Variants in PDCD6 observed in about 807,000 individuals in gnomAD.
PDCD6 encodes the protein programmed cell death protein 6.
Under a neutral mutation model 28.3 loss-of-function variants are expected in PDCD6, and 12 were observed. That is an observed-to-expected ratio of 0.42 (90% confidence interval 0.27 to 0.69). The LOEUF is 0.69. Among genes scored for constraint, PDCD6 ranks in the 30% least tolerant of loss-of-function variants. The probability of loss-of-function intolerance (pLI) is 0.22; values close to 1 mark genes in which losing one functional copy is unlikely to be tolerated. For missense variants in PDCD6, 226 were observed against 269.9 expected (o/e 0.84, Z 1.14); for synonymous variants, 92 against 108.0 (o/e 0.85, Z 0.92).
intron 2 of PDCD6, among the ~76,000 whole-genome samples, chr5:300,957 C>T (rs1050157916): frequency 1.4e-4 from 22 of 152,218 alleles, no homozygotes; most frequent in Non-Finnish European, 2.5e-4. Context: ...CATGCGTGCC[C>T]GTCCAGATGG....
Position 314,451 on chromosome 5 carries a change from A to G in PDCD6, c.512A>G (p.Asp171Gly). The G allele has an allele frequency of 6.2e-7, 1 of 1,613,844 alleles. No individual in the cohort carries two copies. Among genetic ancestry groups the G allele is most frequent in the Non-Finnish European group, 8.5e-7 (1 of 1,179,934 alleles). ...GATATATTCAGACGTTACGACACGG[A>G]TCAGGACGGCTGGATTCAGGTGTCG... The part of the protein sequence containing the change: ...LTDIFRRYDT[D>G]QDGWIQVSYE... Residue 171 changes from aspartate to glycine, a missense_variant, in exon 6 of 6, where the codon GAT (aspartate) becomes GGT (glycine). Around this residue, in one of 3 missense-constraint regions of PDCD6, gnomAD observed 151 missense variants for 177.2 expected, o/e 0.85. Coordinates refer to ENST00000264933, the MANE Select transcript of PDCD6 (RefSeq NM_013232.4).
chr5:276,443 T>C, intron 2 of PDCD6: 2 of 986,722 alleles, frequency 2.0e-6, no homozygotes, highest in African/African-American at 3.5e-5. Flanking sequence ...CATATCCTCT[T>C]CCTTCTTCTC....
At position 314,836 on chromosome 5, in the gene PDCD6, C is replaced by A; in HGVS notation, c.*321C>A. The A allele has an allele frequency of 4.9e-6, 2 of 409,858 alleles. No individual in the cohort carries two copies. The highest frequency in any genetic ancestry group is 2.2e-5 in the South Asian group (1 of 44,578). 25.4% of individuals were successfully genotyped at this position (409,858 alleles called of 1,614,324 possible). On this transcript the variant is annotated 3_prime_UTR_variant, in exon 6 of 6. Transcript: ENST00000264933. ...TGTCTCTGGTTCTATAGTGCAAATGCTTTTATTAGCCAATAGGAATTTTAA... is the reference window on the plus strand; with the variant it reads ...TGTCTCTGGTTCTATAGTGCAAATGATTTTATTAGCCAATAGGAATTTTAA...
chr5:279,290 G>A (rs1226235319), intron 2 of PDCD6, among the ~76,000 whole-genome samples: 1 of 152,122 alleles, frequency 6.6e-6, no homozygotes, highest in African/African-American at 2.4e-5. Flanking sequence ...TGGGTGACTT[G>A]CTTCTGCCAA....
intron 2 of PDCD6, among the ~76,000 whole-genome samples, chr5:296,291 C>G (rs750237182): frequency 6.6e-6 from 1 of 152,168 alleles, no homozygotes; most frequent in Admixed American, 6.5e-5. Flanking sequence ...TCCTCTCCCC[C>G]ACCCCAGCCT....
At chr5:299,619 A>G (rs111594818) in intron 2 of PDCD6, among the ~76,000 whole-genome samples, 1,624 of 150,484 alleles carry the variant, frequency 0.011, 19 homozygotes, top group African/African-American at 0.03. Flanking sequence ...GTGCAATCTC[A>G]GCTCACTGCA....
chr5:296,251 C>T (rs1008223652), intron 2 of PDCD6, among the ~76,000 whole-genome samples: 1 of 152,192 alleles, frequency 6.6e-6, no homozygotes, highest in African/African-American at 2.4e-5. Context: ...ACCTGCTGCT[C>T]GACCCTCAGA....
intron 2 of PDCD6, among the ~76,000 whole-genome samples, chr5:293,332 G>A (rs561760430): frequency 1.3e-4 from 19 of 142,948 alleles, no homozygotes; most frequent in Non-Finnish European, 1.8e-4. Flanking sequence ...TCAAGAAGAC[G>A]GGAACAGCAC....
In PDCD6 at chr5:300,449, A is replaced by T. The variant is rs1306106939; in HGVS notation, c.164-3728A>T. On this transcript the variant is annotated intron_variant, in intron 2 of 5. Coordinates refer to ENST00000264933, the MANE Select transcript of PDCD6 (RefSeq NM_013232.4). ...GGCTGGTTTACTCTGTACCCTTTCAAGTTGGAGGGTGGTCTCAGGGACCCC... is the reference window on the plus strand; with the variant it reads ...GGCTGGTTTACTCTGTACCCTTTCATGTTGGAGGGTGGTCTCAGGGACCCC... 2.0e-5 allele frequency among the ~76,000 whole-genome samples: 3 copies of T among 152,174 alleles called. 1 individual carries two copies. In the South Asian group the frequency reaches 6.2e-4, roughly 32 times the overall value.
chr5:288,330 C>T (rs1343894750), intron 2 of PDCD6, among the ~76,000 whole-genome samples: 2 of 143,486 alleles, frequency 1.4e-5, no homozygotes, highest in Admixed American at 6.9e-5. Flanking sequence ...GTATATATAA[C>T]TTAAAGTTCC....
intron 2 of PDCD6, among the ~76,000 whole-genome samples, chr5:279,798 AAAAAAAAAC>A (rs1432312708): frequency 7.4e-5 from 11 of 148,780 alleles, no homozygotes; most frequent in African/African-American, 2.8e-4. Flanking sequence ...AAAAAAAAAA[AAAAAAAAAC>A]GAGGAGCCGG....
intron 2 of PDCD6, among the ~76,000 whole-genome samples, chr5:293,072 C>T (rs1301298246): frequency 2.6e-5 from 4 of 152,220 alleles, no homozygotes; most frequent in African/African-American, 9.6e-5. Context: ...ACCTCTCTCT[C>T]CTACATGGAA....
intron 2 of PDCD6, among the ~76,000 whole-genome samples, chr5:282,791 C>A (rs1738668065): frequency 1.3e-5 from 2 of 152,134 alleles, no homozygotes; most frequent in Non-Finnish European, 2.9e-5. Context: ...CTGCTGCAGA[C>A]CCGGAGAGGA....
intron 2 of PDCD6, among the ~76,000 whole-genome samples, chr5:290,698 T>C (rs1332986352): frequency 2.6e-5 from 4 of 152,258 alleles, no homozygotes; most frequent in African/African-American, 9.6e-5. Flanking sequence ...TTCTGGCAAT[T>C]GAGTCCGTTC....
Position 306,732 on chromosome 5 carries a change from C to T in PDCD6, c.339C>T (p.Asn113=), listed in dbSNP as rs201871307. The T allele has an allele frequency of 1.4e-5, 23 of 1,613,984 alleles. No homozygotes were observed. The highest frequency in any genetic ancestry group is 3.3e-5 in the Admixed American group (2 of 60,020). The change falls in exon 4 of 6, where the codon AAC becomes AAT. Residue 113 remains asparagine (N), a synonymous_variant. Coordinates refer to ENST00000264933, the MANE Select transcript of PDCD6 (RefSeq NM_013232.4). ...DRDNSGMIDK[N]ELKQALSGFG... ...ACAACTCCGGGATGATCGATAAGAA[C>T]GAGCTGAAGCAGGCCCTCTCAGGTT...
At chr5:297,328 T>G (rs1313863698) in intron 2 of PDCD6, among the ~76,000 whole-genome samples, 2 of 152,274 alleles carry the variant, frequency 1.3e-5, no homozygotes, top group Admixed American at 6.5e-5. Context: ...AAACTTATGC[T>G]TCTTCCGTTA....
Position 297,032 on chromosome 5 carries a change from G to T in PDCD6, c.164-7145G>T, listed in dbSNP as rs375368084. 6.2e-4 allele frequency among the ~76,000 whole-genome samples: 95 copies of T among 152,334 alleles called. 1 individual carries two copies. In the East Asian group the frequency reaches 0.016, roughly 26 times the overall value. The stretch of plus-strand genomic sequence containing the variant: ...TGCATCCGCACAAGTGCCTCAGGAG[G>T]GTGGAGTGTCTGGTGCTCGGCGCTG... On this transcript the variant is annotated intron_variant, in intron 2 of 5. Coordinates refer to ENST00000264933, the MANE Select transcript of PDCD6 (RefSeq NM_013232.4).
chr5:299,767 T>C (rs553112499), intron 2 of PDCD6, among the ~76,000 whole-genome samples: 216 of 152,306 alleles, frequency 1.4e-3, no homozygotes, highest in African/African-American at 4.6e-3. Flanking sequence ...GCCAGGATGG[T>C]CTCGATCTCC....
chr5:290,349 G>A (rs1413600861), intron 2 of PDCD6: 102 of 1,115,570 alleles, frequency 9.1e-5, no homozygotes, highest in African/African-American at 3.0e-5. Flanking sequence ...CACAGCCTCC[G>A]CCTCCCTCCG....
Sources: allele counts gnomAD v4.1 joint callset (sites outside exome capture counted in the v4.1 genomes callset), GRCh38; gene constraint gnomAD v4.1.1; regional missense constraint gnomAD v4.1.1; transcripts MANE v1.5; gene names NCBI Gene and HGNC (gene_info 2026-07-23, HGNC 2026-07-21).